GPA33: variants seen among roughly 807,000 people sequenced by gnomAD.
GPA33 encodes the protein cell surface A33 antigen.
In GPA33, 27 loss-of-function variants were observed where a neutral mutation model predicts 35.6. The ratio of observed to expected loss-of-function variants is 0.76; its 90% CI spans 0.56 to 1.04. The LOEUF is 1.04. Ranked by LOEUF, GPA33 falls within the 50% of genes least tolerant of loss-of-function variation. The probability of loss-of-function intolerance (pLI) is 0.00; values close to 1 mark genes in which losing one functional copy is unlikely to be tolerated. For missense variants in GPA33, 428 were observed against 411.9 expected, an observed-to-expected ratio of 1.04 and a Z score of -0.34; for synonymous variants, 176 against 164.0, an observed-to-expected ratio of 1.07 and a Z score of -0.56.
chr1:167,079,057 AAAAAG>A, intron 1 of GPA33, among the ~76,000 whole-genome samples: 1 of 152,344 alleles, frequency 6.6e-6, no homozygotes, highest in African/African-American at 2.4e-5. Flanking sequence ...TGAGCTGTCA[AAAAAG>A]AATAGTAATT....
At chr1:167,056,679 T>G (rs55788379) in intron 4 of GPA33, among the ~76,000 whole-genome samples, 1 of 11,026 alleles carries the variant, frequency 9.1e-5, no homozygotes, top group African/African-American at 3.8e-4. Flanking sequence ...GTGTGATGTG[T>G]CTGGTGTGTG....
At chr1:167,077,749 A>G (rs751744167) in intron 1 of GPA33, among the ~76,000 whole-genome samples, 2 of 152,250 alleles carry the variant, frequency 1.3e-5, no homozygotes, top group Admixed American at 1.3e-4. Context: ...GAGTCACTCT[A>G]TTGAGTTAAT....
At chr1:167,071,002 A>G (rs1322703687) in intron 2 of GPA33, among the ~76,000 whole-genome samples, 1 of 152,186 alleles carries the variant, frequency 6.6e-6, no homozygotes, top group Non-Finnish European at 1.5e-5. Flanking sequence ...TGGGAGATCC[A>G]TCTAGGTGGA....
chr1:167,064,849 G>T (rs56238115), intron 3 of GPA33, among the ~76,000 whole-genome samples: 2,488 of 152,198 alleles, frequency 0.016, 59 homozygotes, highest in African/African-American at 0.056. Flanking sequence ...GATGATGGGC[G>T]GACCCACAGG....
chr1:167,061,916 G>A (rs1244328039), intron 4 of GPA33, among the ~76,000 whole-genome samples: 3 of 152,058 alleles, frequency 2.0e-5, no homozygotes, highest in Non-Finnish European at 2.9e-5. Flanking sequence ...GAGTGATAAA[G>A]CTCTTCCTGG....
intron 3 of GPA33, 132 bp downstream of exon 3, chr1:167,068,790 G>A (rs930672047): frequency 1.4e-5 from 9 of 647,912 alleles, no homozygotes; most frequent in Admixed American, 4.9e-5. Context: ...GCTGAAGACA[G>A]CCTGGACGAG....
At position 167,085,916 on chromosome 1, in the gene GPA33, C is replaced by T. The variant is rs146053425; in HGVS notation, c.43+4329G>A. On this transcript the variant is annotated intron_variant, in intron 1 of 6. Transcript: ENST00000367868. Reference sequence around the variant, plus strand: ...AACCAGAGAGAAACCCAGATCCTTCCCCTCTGGATTCTGACTCAGAAGGTA... The same window carrying T: ...AACCAGAGAGAAACCCAGATCCTTCTCCTCTGGATTCTGACTCAGAAGGTA... 5.1e-4 allele frequency among the ~76,000 whole-genome samples: 78 copies of T among 152,304 alleles called. No individual in the cohort carries two copies. The East Asian group carries it at 0.014, about 28-fold the overall frequency.
intron 1 of GPA33, among the ~76,000 whole-genome samples, chr1:167,081,742 G>A (rs1041245663): frequency 1.3e-5 from 2 of 152,168 alleles, no homozygotes; most frequent in African/African-American, 4.8e-5. Context: ...TGTAGTTCTC[G>A]TGTTGATATG....
intron 2 of GPA33, among the ~76,000 whole-genome samples, chr1:167,072,830 T>A (rs954513863): frequency 6.6e-6 from 1 of 151,730 alleles, no homozygotes; most frequent in Non-Finnish European, 1.5e-5. Flanking sequence ...TAAAAACATA[T>A]ATCCATGCTC....
chr1:167,087,910 T>TCACACA (rs375861023), intron 1 of GPA33, among the ~76,000 whole-genome samples: 1 of 149,746 alleles, frequency 6.7e-6, no homozygotes, highest in Non-Finnish European at 1.5e-5. Context: ...AGACTCTGTC[T>TCACACA]CACACACACA....
Position 167,073,452 on chromosome 1 carries a change from G to C in GPA33, c.131C>G (p.Thr44Ser). ...SQGKSVTLPC[T>S]YHTSTSSREG... is the part of the protein sequence containing the mutation. ...TCGACTGGAGGTGGAAGTGTGGTAG[G>C]TGCAGGGCAGGGTGACACTCTTTCC... The change falls in exon 2 of 7, where the codon ACC becomes AGC. Residue 44 changes from threonine (T) to serine (S), a missense_variant. Thr to Ser is a moderately conservative substitution (Grantham distance 58, BLOSUM62 1). Transcript: ENST00000367868. The C allele has an allele frequency of 1.9e-6, 3 of 1,612,958 alleles. No homozygotes were observed. The highest frequency in any genetic ancestry group is 1.1e-5 in the South Asian group (1 of 91,044).
intron 1 of GPA33, among the ~76,000 whole-genome samples, chr1:167,077,699 A>T (rs1223202797): frequency 6.6e-6 from 1 of 152,354 alleles, no homozygotes; most frequent in East Asian, 1.9e-4. Context: ...CTCACTCAAG[A>T]TTAAAGGAAT....
chr1:167,088,662 G>A (rs898442603), intron 1 of GPA33, among the ~76,000 whole-genome samples: 2 of 152,134 alleles, frequency 1.3e-5, no homozygotes, highest in Non-Finnish European at 1.5e-5. Flanking sequence ...TCAGAGTTAC[G>A]GCCACTTTTC....
At chr1:167,066,521 T>G (rs1213634621) in intron 3 of GPA33, among the ~76,000 whole-genome samples, 2 of 152,162 alleles carry the variant, frequency 1.3e-5, no homozygotes, top group Non-Finnish European at 2.9e-5. Context: ...GCTCTCACCC[T>G]GTCCAGATCC....
intron 3 of GPA33, among the ~76,000 whole-genome samples, chr1:167,066,346 C>G (rs1435941125): frequency 1.3e-5 from 2 of 152,200 alleles, no homozygotes; most frequent in Non-Finnish European, 2.9e-5. Flanking sequence ...CTGAAACCAC[C>G]ATTTTCTAAG....
chr1:167,087,809 G>A lies in GPA33; in HGVS notation c.43+2436C>T, dbSNP rs1044957498. On this transcript the variant is annotated intron_variant, in intron 1 of 6. Transcript: ENST00000367868. ...TGCATGCCTGTAATCCCAGCTACTA[G>A]GGAGGCTGAGGCAGGAGAATTTCTT... Among the ~76,000 whole-genome samples, 7 of 151,692 alleles carry A rather than the reference G, an allele frequency of 4.6e-5. 1 individual carries two copies. The highest frequency in any genetic ancestry group is 4.2e-4 in the South Asian group (2 of 4,802).
intron 3 of GPA33, among the ~76,000 whole-genome samples, chr1:167,065,009 G>A (rs1279032150): frequency 1.3e-5 from 2 of 152,160 alleles, no homozygotes; most frequent in African/African-American, 4.8e-5. Flanking sequence ...CCGATTCCCT[G>A]GATTTCTGGG....
At chr1:167,081,623 G>T (rs1169084674) in intron 1 of GPA33, among the ~76,000 whole-genome samples, 1 of 152,202 alleles carries the variant, frequency 6.6e-6, no homozygotes, top group Non-Finnish European at 1.5e-5. Flanking sequence ...CCAGAAAAAT[G>T]ATCAGAGGTG....
intron 1 of GPA33, among the ~76,000 whole-genome samples, chr1:167,075,521 G>T (rs905167605): frequency 6.6e-6 from 1 of 152,234 alleles, no homozygotes; most frequent in African/African-American, 2.4e-5. Flanking sequence ...AATGACAACA[G>T]TTAAGGAAGG....
Sources: gnomAD v4.1 joint callset for allele counts (sites outside exome capture counted in the v4.1 genomes callset) on GRCh38, gnomAD v4.1.1 for gene constraint, MANE v1.5 for transcripts, NCBI Gene and HGNC (gene_info 2026-07-23, HGNC 2026-07-21) for gene names.